TMC2: variants seen among roughly 807,000 people sequenced by gnomAD.
The protein encoded by TMC2 is transmembrane channel like 2, also known as transmembrane channel-like protein 2.
TMC2 carries 102 observed loss-of-function variants against 105.9 expected under a neutral mutation model. That is an observed-to-expected ratio of 0.96 (90% CI 0.82 to 1.14). The LOEUF is 1.14. TMC2 is among the 50% of genes most tolerant of loss of function. TMC2 has a pLI of 0.00. For synonymous variants in TMC2, 402 were observed against 422.8 expected (o/e 0.95, Z 0.60); for missense variants, 1,093 against 1,134.3 (o/e 0.96, Z 0.52).
chr20:2,547,649 G>A (rs915993852), intron 2 of TMC2, among the ~76,000 whole-genome samples: 14 of 152,090 alleles, frequency 9.2e-5, no homozygotes, highest in Non-Finnish European at 1.5e-4. Context: ...ATTCTGAAAG[G>A]TATTTAACTT....
At chr20:2,546,976 T>C (rs1403021201) in intron 2 of TMC2, among the ~76,000 whole-genome samples, 1 of 152,208 alleles carries the variant, frequency 6.6e-6, no homozygotes, top group Non-Finnish European at 1.5e-5. Flanking sequence ...ATGTACACTA[T>C]ATCTAATTTA....
At chr20:2,619,764 T>A (rs1414355900) in intron 16 of TMC2, among the ~76,000 whole-genome samples, 1 of 152,198 alleles carries the variant, frequency 6.6e-6, no homozygotes, top group Admixed American at 6.5e-5. Flanking sequence ...GTTGGCTTCT[T>A]CCTAAGCAAG....
intron 7 of TMC2, among the ~76,000 whole-genome samples, chr20:2,588,296 C>T (rs2086244615): frequency 6.6e-6 from 1 of 152,178 alleles, no homozygotes; most frequent in Non-Finnish European, 1.5e-5. Context: ...GTCCTACAAG[C>T]ACAAGGAAAT....
intron 17 of TMC2, among the ~76,000 whole-genome samples, chr20:2,628,745 T>C (rs911942281): frequency 7.2e-5 from 11 of 152,182 alleles, no homozygotes; most frequent in Non-Finnish European, 1.3e-4. Flanking sequence ...GAACAGTGAG[T>C]CAATTAAATC....
intron 17 of TMC2, among the ~76,000 whole-genome samples, chr20:2,627,361 A>C (rs922209037): frequency 6.6e-6 from 1 of 152,090 alleles, no homozygotes; most frequent in African/African-American, 2.4e-5. Flanking sequence ...CTCTGGTGTC[A>C]TTTTCTTCTG....
At chr20:2,555,756 T>C (rs2085981440) in intron 2 of TMC2, among the ~76,000 whole-genome samples, 1 of 152,374 alleles carries the variant, frequency 6.6e-6, no homozygotes, top group South Asian at 2.1e-4. Flanking sequence ...GCAGTTTTGA[T>C]TGAGCATTTA....
intron 14 of TMC2, among the ~76,000 whole-genome samples, chr20:2,614,602 T>A (rs2086466770): frequency 6.6e-6 from 1 of 151,502 alleles, no homozygotes; most frequent in Non-Finnish European, 1.5e-5. Context: ...AAAGAAAAAA[T>A]AAAAAGATGA....
chr20:2,629,049 C>T (rs2086584427), intron 17 of TMC2, among the ~76,000 whole-genome samples: 1 of 151,652 alleles, frequency 6.6e-6, no homozygotes, highest in Non-Finnish European at 1.5e-5. Flanking sequence ...TTGCAGTGAG[C>T]CGAGATCGCG....
At chr20:2,540,762 C>A (rs948748104) in intron 2 of TMC2, among the ~76,000 whole-genome samples, 10 of 152,092 alleles carry the variant, frequency 6.6e-5, no homozygotes, top group African/African-American at 2.4e-4. Flanking sequence ...AGCCAGTATG[C>A]TCACAAGACC....
chr20:2,632,417 G>A (rs6050701), intron 17 of TMC2, among the ~76,000 whole-genome samples: 114,578 of 151,656 alleles, frequency 0.76, 43,390 homozygotes, highest in East Asian at 0.87. Flanking sequence ...GTTTTGTATC[G>A]TTCTTTGATC....
intron 2 of TMC2, among the ~76,000 whole-genome samples, chr20:2,539,902 A>C (rs2085877354): frequency 6.6e-6 from 1 of 152,140 alleles, no homozygotes; most frequent in Non-Finnish European, 1.5e-5. Context: ...GAGTGGGCTA[A>C]GGAAACCTGC....
chr20:2,643,497 A>G lies in TMC2; in HGVS notation c.*2146A>G, dbSNP rs1294098445. 6.6e-6 allele frequency among the ~76,000 whole-genome samples: 1 copy of G among 152,252 alleles called. No homozygotes were observed. Among genetic ancestry groups the G allele is most frequent in the Non-Finnish European group, 1.5e-5 (1 of 68,046 alleles). On this transcript the variant is annotated 3_prime_UTR_variant, in exon 20 of 20. Coordinates refer to ENST00000358864, the MANE Select transcript of TMC2 (RefSeq NM_080751.3). ...GATGAAGTGTAATTTTATGTGACGG[A>G]ATGTATATGTCATCTAATGCTGCAT...
At chr20:2,546,909 G>A (rs1568501244) in intron 2 of TMC2, among the ~76,000 whole-genome samples, 1 of 151,992 alleles carries the variant, frequency 6.6e-6, no homozygotes, top group African/African-American at 2.4e-5. Context: ...AGCAATGAAG[G>A]CATTCTAAAA....
At chr20:2,634,751 ATGGCAAGGAC>A (rs2086629462) in intron 17 of TMC2, among the ~76,000 whole-genome samples, 1 of 152,188 alleles carries the variant, frequency 6.6e-6, no homozygotes, top group Admixed American at 6.5e-5. Flanking sequence ...AATTAGGTAA[ATGGCAAGGAC>A]TGGCCCAGAG....
intron 7 of TMC2, among the ~76,000 whole-genome samples, chr20:2,590,028 CTG>C (rs1166154751): frequency 6.6e-6 from 1 of 152,102 alleles, no homozygotes; most frequent in Admixed American, 6.5e-5. Context: ...GAAGAGTAGA[CTG>C]TGTAAATACA....
At chr20:2,619,817 T>G (rs1449220501) in intron 16 of TMC2, among the ~76,000 whole-genome samples, 1 of 152,200 alleles carries the variant, frequency 6.6e-6, no homozygotes. Context: ...AGCCCCCTTT[T>G]TCTCAGCTTC....
intron 19 of TMC2, among the ~76,000 whole-genome samples, chr20:2,640,638 CA>C (rs1223857090): frequency 6.6e-6 from 1 of 152,158 alleles, no homozygotes; most frequent in Non-Finnish European, 1.5e-5. Context: ...CACTCATCCA[CA>C]AGGGAACCAG....
intron 3 of TMC2, 133 bp from the exon 4 acceptor site, chr20:2,561,725 A>G (rs2086026942): frequency 1.7e-6 from 2 of 1,173,504 alleles, no homozygotes; most frequent in South Asian, 3.2e-5. Context: ...GCTGCCAGGC[A>G]ATGGGAGTCA....
chr20:2,598,776 C>A (rs1458166264), intron 10 of TMC2, among the ~76,000 whole-genome samples: 2 of 152,102 alleles, frequency 1.3e-5, no homozygotes, highest in Non-Finnish European at 2.9e-5. Context: ...GTGCTGCTGA[C>A]AAAGTTTCCA....
Sources: allele counts gnomAD v4.1 joint callset (sites outside exome capture counted in the v4.1 genomes callset), GRCh38; gene constraint gnomAD v4.1.1; transcripts MANE v1.5; gene names NCBI Gene and HGNC (gene_info 2026-07-23, HGNC 2026-07-21).